The following BRD7 variants were observed in gnomAD, a reference collection of about 807,000 sequenced individuals.
The protein encoded by BRD7 is bromodomain containing 7, also known as bromodomain-containing protein 7.
BRD7 carries 15 observed loss-of-function variants against 82.1 expected under a neutral mutation model. The observed-to-expected ratio is 0.18, with a 90% confidence interval of 0.12 to 0.28. The LOEUF is 0.28. BRD7 is among the 10% of genes least tolerant of loss of function. BRD7 has a pLI of 1.00. For synonymous variants in BRD7, 232 were observed against 266.9 expected (o/e 0.87, Z 1.27); for missense variants, 638 against 779.9 (o/e 0.82, Z 2.17).
Position 50,368,984 on chromosome 16 carries a change from G to A in BRD7, c.-210C>T, listed in dbSNP as rs1013950931. ...CCGGAGCCCGAGAGCGGCGGCGGGG[G>A]GGGCGCGCGGCCGGCGCAGAGGCGG... On this transcript the variant is annotated 5_prime_UTR_variant, in exon 1 of 17. Transcript: ENST00000394688. The A allele has an allele frequency of 6.6e-6, 1 of 151,792 alleles. No individual in the cohort carries two copies. Among genetic ancestry groups the A allele is most frequent in the African/African-American group, 2.4e-5 (1 of 40,882 alleles). 9.4% of individuals were successfully genotyped at this position (151,792 alleles called of 1,614,324 possible). A position where few individuals can be genotyped will look rare whatever the true frequency, so the allele number is the denominator to read the frequency against.
chr16:50,334,663 C>A (rs748969759), intron 7 of BRD7, 48 bp downstream of exon 7: 3 of 1,592,462 alleles, frequency 1.9e-6, no homozygotes, highest in African/African-American at 1.4e-5. Context: ...TTCCCCCTTA[C>A]TAGCTTGAAG....
chr16:50,322,243 A>G (rs1188628768), intron 12 of BRD7, among the ~76,000 whole-genome samples: 2 of 152,204 alleles, frequency 1.3e-5, no homozygotes, highest in African/African-American at 4.8e-5. Context: ...ATTACTGGTG[A>G]TGTTATTTCC....
intron 6 of BRD7, among the ~76,000 whole-genome samples, chr16:50,336,515 T>C (rs374925857): frequency 1.2e-4 from 18 of 152,148 alleles, no homozygotes; most frequent in Non-Finnish European, 2.1e-4. Flanking sequence ...TGAGCCGAGA[T>C]TGCGCCACTG....
chr16:50,367,245 CAG>C (rs1255966558), intron 2 of BRD7, among the ~76,000 whole-genome samples: 3 of 152,142 alleles, frequency 2.0e-5, no homozygotes, highest in East Asian at 3.8e-4. Flanking sequence ...TTATTAGAGA[CAG>C]AGTCTCGTAT....
intron 4 of BRD7, among the ~76,000 whole-genome samples, 189 bp from the exon 5 acceptor site, chr16:50,350,356 C>T (rs1388487105): frequency 6.6e-6 from 1 of 152,166 alleles, no homozygotes; most frequent in Non-Finnish European, 1.5e-5. Flanking sequence ...GGAAGTTTTA[C>T]ATACTAGCTG....
At chr16:50,368,009 G>A in intron 2 of BRD7, 81 bp downstream of exon 2, 9 of 1,393,958 alleles carry the variant, frequency 6.5e-6, no homozygotes, top group Non-Finnish European at 9.1e-6. Context: ...GTTTTCCCCA[G>A]ATACAAAGAA....
chr16:50,367,050 C>G (rs1235744850), intron 2 of BRD7, among the ~76,000 whole-genome samples: 1 of 152,130 alleles, frequency 6.6e-6, no homozygotes, highest in African/African-American at 2.4e-5. Context: ...AATAAGATCT[C>G]TAAGACTTGG....
At chr16:50,342,778 G>A (rs2038122712) in intron 5 of BRD7, among the ~76,000 whole-genome samples, 1 of 152,096 alleles carries the variant, frequency 6.6e-6, no homozygotes, top group Non-Finnish European at 1.5e-5. Context: ...TAACCAATTA[G>A]GGTCTAACCC....
chr16:50,327,227 G>A (rs2037377235), intron 9 of BRD7, among the ~76,000 whole-genome samples: 1 of 152,204 alleles, frequency 6.6e-6, no homozygotes, highest in African/African-American at 2.4e-5. Flanking sequence ...GGCCTACAGA[G>A]GGAGCTGTGC....
intron 2 of BRD7, among the ~76,000 whole-genome samples, chr16:50,361,358 T>A (rs1164181741): frequency 6.6e-6 from 1 of 152,228 alleles, no homozygotes; most frequent in Non-Finnish European, 1.5e-5. Flanking sequence ...AAAAATTTTT[T>A]TAATGACTAC....
At chr16:50,334,589 A>G (rs950140727) in intron 7 of BRD7, 122 bp downstream of exon 7, 3 of 1,201,814 alleles carry the variant, frequency 2.5e-6, no homozygotes, top group Non-Finnish European at 3.5e-6. Context: ...TTTCATGCCA[A>G]AACACCACCA....
In BRD7 at chr16:50,320,318, T is replaced by C. The variant is rs142511707; in HGVS notation, c.1686A>G (p.Glu562=). The change falls in exon 15 of 17, where the codon GAA becomes GAG. Residue 562 remains glutamate, a synonymous_variant. Transcript: ENST00000394688. ...LLRELQEAQN[E]RLSTRPPPNM... is the part of the protein sequence containing the mutation. ...TCGGAGGGGGTCTGGTGCTCAAACGTTCATTCTGGGCTTCCTGGAGTTCCC... is the reference window on the plus strand; with the variant it reads ...TCGGAGGGGGTCTGGTGCTCAAACGCTCATTCTGGGCTTCCTGGAGTTCCC... The C allele has an allele frequency of 1.9e-5, 30 of 1,614,030 alleles. No homozygotes were observed. The Middle Eastern group carries it at 4.9e-4, about 27-fold the overall frequency.
rs1401985983 is a variant in BRD7 at position 50,316,121 on chromosome 16, T to A, written c.*3090A>T. The A allele has an allele frequency of 6.5e-6, 1 of 152,746 alleles. No individual in the cohort carries two copies. Among genetic ancestry groups the A allele is most frequent in the African/African-American group, 2.4e-5 (1 of 41,470 alleles). 9.5% of individuals were successfully genotyped at this position (152,746 alleles called of 1,614,324 possible). A position where few individuals can be genotyped will look rare whatever the true frequency, so the allele number is the denominator to read the frequency against. ...TGTTTGTTTTAAATGAATACATTAA[T>A]GGGGTTTTTATCCTTTTGAATGACT... On this transcript the variant is annotated 3_prime_UTR_variant, in exon 17 of 17. Coordinates refer to ENST00000394688, the MANE Select transcript of BRD7 (RefSeq NM_013263.5).
chr16:50,332,655 T>A (rs2151153959), intron 8 of BRD7, among the ~76,000 whole-genome samples: 1 of 152,156 alleles, frequency 6.6e-6, no homozygotes, highest in South Asian at 2.1e-4. Context: ...GGAAAATAAA[T>A]CATTTTACTC....
At position 50,339,859 on chromosome 16, in the gene BRD7, A is replaced by G. The variant is rs551652938; in HGVS notation, c.702+117T>C. 25 of 466,796 alleles carry G rather than the reference A, an allele frequency of 5.4e-5. No homozygotes were observed. In the South Asian group the frequency reaches 1.6e-3, roughly 30 times the overall value. The allele number at this position is 466,796 out of a possible 1,614,324, so 28.9% of individuals were successfully genotyped here. On this transcript the variant is annotated intron_variant, in intron 6 of 16. Transcript: ENST00000394688. ...TTTAGTATTTTCTACTTTATTTAAT[A>G]TAATATAACCTGCTAATAAAATAAA...
intron 2 of BRD7, among the ~76,000 whole-genome samples, chr16:50,365,464 A>C (rs2039105981): frequency 6.6e-6 from 1 of 152,216 alleles, no homozygotes; most frequent in African/African-American, 2.4e-5. Context: ...GCAAAAGCTC[A>C]ACAGACAACT....
At chr16:50,343,368 C>A (rs527666879) in intron 5 of BRD7, among the ~76,000 whole-genome samples, 2 of 152,334 alleles carry the variant, frequency 1.3e-5, no homozygotes, top group South Asian at 2.1e-4. Context: ...AGGAACAGAT[C>A]CAGTCTACAG....
At position 50,318,630 on chromosome 16, in the gene BRD7, T is replaced by C. The variant is rs562986603; in HGVS notation, c.*581A>G. 6.6e-6 allele frequency: 1 copy of C among 152,448 alleles called. No individual in the cohort carries two copies. Among genetic ancestry groups the C allele is most frequent in the Admixed American group, 6.5e-5 (1 of 15,312 alleles). The allele number at this position is 152,448 out of a possible 1,614,324, so 9.4% of individuals were successfully genotyped here. On this transcript the variant is annotated 3_prime_UTR_variant, in exon 17 of 17. Transcript: ENST00000394688. ...GGTAATCTGGTAATTCCCTGATCTATTCAAGGATGACTTAGTTTATCTTAT... is the reference window on the plus strand; with the variant it reads ...GGTAATCTGGTAATTCCCTGATCTACTCAAGGATGACTTAGTTTATCTTAT...
chr16:50,367,282 G>C (rs2039185092), intron 2 of BRD7, among the ~76,000 whole-genome samples: 1 of 152,092 alleles, frequency 6.6e-6, no homozygotes, highest in African/African-American at 2.4e-5. Flanking sequence ...GAGTGCAGTG[G>C]TATGATCATA....
Sources: gnomAD v4.1 joint callset for allele counts (sites outside exome capture counted in the v4.1 genomes callset) on GRCh38, gnomAD v4.1.1 for gene constraint, MANE v1.5 for transcripts, NCBI Gene and HGNC (gene_info 2026-07-23, HGNC 2026-07-21) for gene names.